SLC25A13: variants seen among roughly 807,000 people sequenced by gnomAD.
SLC25A13 encodes electrogenic aspartate/glutamate antiporter SLC25A13, mitochondrial.
A neutral mutation model predicts 85.5 loss-of-function variants in SLC25A13; 70 were observed. The observed-to-expected ratio is 0.82, with a 90% confidence interval of 0.68 to 1.00. The LOEUF (loss-of-function observed/expected upper bound fraction) is 1.00, where lower values mean the gene tolerates loss of function less well. Among genes scored for constraint, SLC25A13 ranks in the 50% least tolerant of loss-of-function variants. The probability of loss-of-function intolerance (pLI) is 0.00; values close to 1 mark genes in which losing one functional copy is unlikely to be tolerated. For missense variants in SLC25A13, 765 were observed against 819.8 expected (o/e 0.93, Z 0.82); for synonymous variants, 259 against 288.7 (o/e 0.90, Z 1.04).
At chr7:96,214,803 T>A (rs960653533) in intron 4 of SLC25A13, among the ~76,000 whole-genome samples, 4 of 152,048 alleles carry the variant, frequency 2.6e-5, no homozygotes, top group African/African-American at 9.6e-5. Context: ...TACTTAGAAA[T>A]AAATTTAACA....
chr7:96,293,189 T>C, intron 2 of SLC25A13, among the ~76,000 whole-genome samples: 1 of 152,238 alleles, frequency 6.6e-6, no homozygotes, highest in East Asian at 1.9e-4. Flanking sequence ...AAGGATTCCC[T>C]ATTTAACAAA....
chr7:96,199,903 G>T (rs73232584), intron 5 of SLC25A13, among the ~76,000 whole-genome samples: 119 of 152,010 alleles, frequency 7.8e-4, no homozygotes, highest in Non-Finnish European at 1.2e-3. Context: ...CCAATTTTCA[G>T]GTAGGTATAT....
intron 13 of SLC25A13, among the ~76,000 whole-genome samples, chr7:96,163,223 TTG>T (rs1793585503): frequency 6.6e-6 from 1 of 152,212 alleles, no homozygotes; most frequent in Admixed American, 6.5e-5. Context: ...ATAAGAAGTC[TTG>T]TTTCTGCCCA....
intron 1 of SLC25A13, among the ~76,000 whole-genome samples, chr7:96,312,599 T>C (rs1437579351): frequency 6.8e-6 from 1 of 147,394 alleles, no homozygotes; most frequent in Non-Finnish European, 1.5e-5. Context: ...AGCTTACCTG[T>C]TTTTGGAATC....
chr7:96,307,105 G>A (rs950121627), intron 1 of SLC25A13, among the ~76,000 whole-genome samples: 3 of 150,468 alleles, frequency 2.0e-5, no homozygotes, highest in Non-Finnish European at 3.0e-5. Context: ...TTTTATTCCT[G>A]TGGGGCTTAA....
intron 3 of SLC25A13, among the ~76,000 whole-genome samples, chr7:96,265,981 G>A (rs1029571469): frequency 5.3e-5 from 8 of 152,110 alleles, no homozygotes; most frequent in African/African-American, 1.9e-4. Context: ...TGAGAGCAGA[G>A]CCCTCATGAC....
intron 15 of SLC25A13, among the ~76,000 whole-genome samples, chr7:96,123,659 TCCTAGGCAG>T (rs1791608812): frequency 3.9e-5 from 6 of 152,150 alleles, no homozygotes; most frequent in Admixed American, 3.9e-4. Flanking sequence ...CTCCAGTTTC[TCCTAGGCAG>T]GTATCTGGTA....
chr7:96,239,643 T>G (rs1436740811), intron 3 of SLC25A13, among the ~76,000 whole-genome samples: 1 of 152,158 alleles, frequency 6.6e-6, no homozygotes, highest in East Asian at 1.9e-4. Context: ...CTGCAGGAAC[T>G]AATAGTAGAA....
intron 14 of SLC25A13, among the ~76,000 whole-genome samples, chr7:96,136,417 T>C (rs1792289835): frequency 6.6e-6 from 1 of 152,166 alleles, no homozygotes; most frequent in African/African-American, 2.4e-5. Flanking sequence ...TCCACTCAAG[T>C]TTATTTTGCC....
rs1425885485 is a variant in SLC25A13 at position 96,140,758 on chromosome 7, T to G, written c.1452+5798A>C. ...CTCACCATTGCTTATCTTTTGTTTT[T>G]TTTTTTTTTTGCTAATAGCTATCCT... On this transcript the variant is annotated intron_variant, in intron 14 of 17. Coordinates refer to ENST00000265631, the MANE Select transcript of SLC25A13 (RefSeq NM_014251.3). Among the ~76,000 whole-genome samples, 8 of 151,822 alleles carry G rather than the reference T, an allele frequency of 5.3e-5. No homozygotes were observed. In the South Asian group the frequency reaches 8.3e-4, roughly 16 times the overall value.
At chr7:96,130,742 T>A (rs926799120) in intron 15 of SLC25A13, among the ~76,000 whole-genome samples, 5 of 152,222 alleles carry the variant, frequency 3.3e-5, no homozygotes, top group African/African-American at 9.6e-5. Flanking sequence ...TACAGTGGTA[T>A]CACTGCTGCT....
At chr7:96,150,775 T>C (rs1204715909) in intron 13 of SLC25A13, among the ~76,000 whole-genome samples, 1 of 152,128 alleles carries the variant, frequency 6.6e-6, no homozygotes, top group Non-Finnish European at 1.5e-5. Context: ...TTTCAGATTC[T>C]AGAAATGTGA....
chr7:96,279,092 ATTG>A (rs1649718901), intron 2 of SLC25A13, among the ~76,000 whole-genome samples: 1 of 152,194 alleles, frequency 6.6e-6, no homozygotes, highest in Admixed American at 6.5e-5. Flanking sequence ...CAGAAGAGAA[ATTG>A]TTGAGTCAAA....
intron 13 of SLC25A13, among the ~76,000 whole-genome samples, chr7:96,162,426 CACTT>C (rs543766267): frequency 6.6e-6 from 1 of 151,982 alleles, no homozygotes; most frequent in South Asian, 2.1e-4. Context: ...GGTTTGAAGA[CACTT>C]ACAGGTAGTT....
intron 6 of SLC25A13, 29 bp from the exon 7 acceptor site, chr7:96,191,276 A>G (rs778281202): frequency 6.2e-7 from 1 of 1,610,790 alleles, no homozygotes; most frequent in Admixed American, 1.7e-5. Flanking sequence ...AAGAGAGAAG[A>G]AAAATATACA....
At chr7:96,287,363 C>T (rs1019407584) in intron 2 of SLC25A13, among the ~76,000 whole-genome samples, 7 of 152,318 alleles carry the variant, frequency 4.6e-5, no homozygotes, top group Non-Finnish European at 1.0e-4. Context: ...CCAAGCCACA[C>T]AAACTGTTAC....
At chr7:96,185,170 A>C (rs1488595684) in intron 9 of SLC25A13, among the ~76,000 whole-genome samples, 159 bp from the exon 10 acceptor site, 2 of 152,272 alleles carry the variant, frequency 1.3e-5, no homozygotes, top group African/African-American at 4.8e-5. Context: ...GGATTTCATA[A>C]GTTCTTATTA....
chr7:96,321,806 GC>G (rs1800357052), intron 1 of SLC25A13, 135 bp downstream of exon 1: 2 of 1,169,070 alleles, frequency 1.7e-6, no homozygotes, highest in Non-Finnish European at 2.3e-6. Context: ...TCCAGCAGCC[GC>G]AAGGTGGAAC....
chr7:96,191,459 A>G (rs1794849173), intron 6 of SLC25A13, among the ~76,000 whole-genome samples: 1 of 152,198 alleles, frequency 6.6e-6, no homozygotes, highest in African/African-American at 2.4e-5. Context: ...TGTACTCTCC[A>G]TACACAACTC....
Sources: allele counts gnomAD v4.1 joint callset (sites outside exome capture counted in the v4.1 genomes callset), GRCh38; gene constraint gnomAD v4.1.1; transcripts MANE v1.5; gene names NCBI Gene and HGNC (gene_info 2026-07-23, HGNC 2026-07-21).